Variants in SLC35F3 observed in about 807,000 individuals in gnomAD.
SLC35F3 encodes putative thiamine transporter SLC35F3.
In SLC35F3, 25 loss-of-function variants were observed where a neutral mutation model predicts 49.9. The observed-to-expected ratio is 0.50, with a 90% CI of 0.37 to 0.70. The LOEUF (loss-of-function observed/expected upper bound fraction) is 0.70, where lower values mean the gene tolerates loss of function less well. Ranked by LOEUF, SLC35F3 falls within the 30% of genes least tolerant of loss-of-function variation. The pLI is 0.00. For missense variants in SLC35F3, 525 were observed against 639.8 expected, an observed-to-expected ratio of 0.82 and a Z score of 1.94; for synonymous variants, 275 against 265.4, an observed-to-expected ratio of 1.04 and a Z score of -0.35.
chr1:233,964,241 G>A (rs970469689), intron 2 of SLC35F3, among the ~76,000 whole-genome samples: 2 of 152,206 alleles, frequency 1.3e-5, no homozygotes, highest in Admixed American at 1.3e-4. Context: ...GCTCACAAAG[G>A]AGTAGACGGC....
intron 2 of SLC35F3, among the ~76,000 whole-genome samples, chr1:233,910,507 A>T (rs1236066551): frequency 1.3e-5 from 2 of 152,192 alleles, no homozygotes; most frequent in African/African-American, 4.8e-5. Context: ...ATAGAGAGAG[A>T]AGTGCTGGAA....
chr1:234,267,868 C>A (rs1668020524), intron 3 of SLC35F3, among the ~76,000 whole-genome samples: 1 of 139,470 alleles, frequency 7.2e-6, no homozygotes, highest in Admixed American at 6.9e-5. Context: ...GGCGGCGGGG[C>A]AGAGGTGCTC....
At chr1:234,146,217 T>C (rs966317700) in intron 2 of SLC35F3, among the ~76,000 whole-genome samples, 1 of 152,058 alleles carries the variant, frequency 6.6e-6, no homozygotes, top group South Asian at 2.1e-4. Context: ...TAAATTTTCT[T>C]CATGTTCTTC....
chr1:234,077,745 C>T (rs1220200498), intron 2 of SLC35F3, among the ~76,000 whole-genome samples: 3 of 152,122 alleles, frequency 2.0e-5, no homozygotes, highest in Admixed American at 1.3e-4. Flanking sequence ...TGGGGCTCAA[C>T]TCCAGAAAAA....
At chr1:234,316,570 T>G in intron 4 of SLC35F3, 32 bp from the exon 5 acceptor site, 1 of 1,590,302 alleles carries the variant, frequency 6.3e-7, no homozygotes, top group East Asian at 2.3e-5. Flanking sequence ...CGTCCCGACT[T>G]CCCTGACCAG....
At chr1:234,242,586 G>A (rs1667570660) in intron 3 of SLC35F3, among the ~76,000 whole-genome samples, 1 of 152,146 alleles carries the variant, frequency 6.6e-6, no homozygotes, top group Non-Finnish European at 1.5e-5. Flanking sequence ...TCTGATATTT[G>A]GGCAAGTTCT....
intron 2 of SLC35F3, among the ~76,000 whole-genome samples, chr1:234,076,901 G>C (rs908512284): frequency 1.3e-5 from 2 of 152,060 alleles, no homozygotes; most frequent in Non-Finnish European, 2.9e-5. Context: ...AGTTACCAAA[G>C]CATCTTACTA....
At chr1:234,220,331 C>T (rs866994127) in intron 2 of SLC35F3, among the ~76,000 whole-genome samples, 6 of 151,928 alleles carry the variant, frequency 3.9e-5, no homozygotes, top group Non-Finnish European at 7.4e-5. Flanking sequence ...CATGCTCATA[C>T]GTGTGTGTCA....
At chr1:234,237,767 A>G (rs1266024660) in intron 3 of SLC35F3, among the ~76,000 whole-genome samples, 1 of 152,230 alleles carries the variant, frequency 6.6e-6, no homozygotes, top group Non-Finnish European at 1.5e-5. Flanking sequence ...GGAACTGAGG[A>G]TACAGCAGTG....
At chr1:234,310,591 C>T (rs955716243) in intron 4 of SLC35F3, among the ~76,000 whole-genome samples, 1 of 152,222 alleles carries the variant, frequency 6.6e-6, no homozygotes, top group African/African-American at 2.4e-5. Flanking sequence ...ACCCAGCAGG[C>T]TGCCTGACTC....
chr1:234,273,824 A>G (rs1668151910), intron 3 of SLC35F3, among the ~76,000 whole-genome samples: 1 of 152,178 alleles, frequency 6.6e-6, no homozygotes, highest in Non-Finnish European at 1.5e-5. Context: ...CAGTCTGGAA[A>G]GTCCCCCTGC....
At chr1:234,176,159 C>T (rs986292006) in intron 2 of SLC35F3, among the ~76,000 whole-genome samples, 1 of 152,186 alleles carries the variant, frequency 6.6e-6, no homozygotes, top group African/African-American at 2.4e-5. Context: ...TGGAGTTCCG[C>T]ATGAAACAAA....
chr1:234,139,713 G>A (rs192297406), intron 2 of SLC35F3, among the ~76,000 whole-genome samples: 1 of 152,080 alleles, frequency 6.6e-6, no homozygotes, highest in Non-Finnish European at 1.5e-5. Flanking sequence ...ACTTTGGGAG[G>A]CCGAGGTGGG....
At chr1:234,266,943 T>A (rs2102971391) in intron 3 of SLC35F3, among the ~76,000 whole-genome samples, 1 of 121,212 alleles carries the variant, frequency 8.3e-6, no homozygotes, top group East Asian at 2.5e-4. Context: ...TTTGGCAGGG[T>A]CATAGGACAA....
At chr1:234,265,362 T>TG (rs1177430676) in intron 3 of SLC35F3, among the ~76,000 whole-genome samples, 3 of 151,624 alleles carry the variant, frequency 2.0e-5, no homozygotes, top group Non-Finnish European at 4.4e-5. Flanking sequence ...TTGGTAGAGA[T>TG]GGGGTCTTGC....
intron 2 of SLC35F3, among the ~76,000 whole-genome samples, chr1:233,964,694 G>A (rs1662872240): frequency 6.6e-6 from 1 of 152,212 alleles, no homozygotes; most frequent in African/African-American, 2.4e-5. Flanking sequence ...GAGGGACAAA[G>A]GAGTGACAGC....
intron 2 of SLC35F3, chr1:234,213,338 T>C (rs73110459): frequency 0.1 from 15,615 of 152,208 alleles, 1,566 homozygotes; most frequent in African/African-American, 0.27. Flanking sequence ...CCACCTTGAA[T>C]CTCAACTGAT....
intron 2 of SLC35F3, among the ~76,000 whole-genome samples, chr1:234,042,981 TG>T (rs1219352569): frequency 5.3e-5 from 8 of 152,260 alleles, no homozygotes. Flanking sequence ...CTAAGTAATA[TG>T]CTTATAACTT....
chr1:233,907,514 T>A (rs1360641632), intron 2 of SLC35F3, among the ~76,000 whole-genome samples: 2 of 152,226 alleles, frequency 1.3e-5, no homozygotes, highest in Non-Finnish European at 2.9e-5. Flanking sequence ...GCTACAGTGA[T>A]CATTGAAATA....
Sources: allele counts gnomAD v4.1 joint callset (sites outside exome capture counted in the v4.1 genomes callset), GRCh38; gene constraint gnomAD v4.1.1; transcripts MANE v1.5; gene names NCBI Gene and HGNC (gene_info 2026-07-23, HGNC 2026-07-21).